GBF1: variants seen among roughly 807,000 people sequenced by gnomAD.
GBF1 encodes the protein golgi brefeldin A resistant guanine nucleotide exchange factor 1, also known as Golgi-specific brefeldin A-resistance guanine nucleotide exchange factor 1.
GBF1 carries 114 observed loss-of-function variants against 210.5 expected under a neutral mutation model. The observed-to-expected ratio is 0.54, with a 90% CI of 0.47 to 0.63. The LOEUF (loss-of-function observed/expected upper bound fraction) is 0.63, where lower values mean the gene tolerates loss of function less well. Ranked by LOEUF, GBF1 falls within the 30% of genes least tolerant of loss-of-function variation. The pLI, the probability that GBF1 is intolerant of heterozygous loss-of-function variation, is 0.00. For missense variants in GBF1, 1,851 were observed against 2,357.7 expected (o/e 0.79, Z 4.45); for synonymous variants, 850 against 889.2 (o/e 0.96, Z 0.78).
At position 102,382,521 on chromosome 10, in the gene GBF1, CT is replaced by C; in HGVS notation, c.*190del. 15 of 559,208 alleles carry C rather than the reference CT, an allele frequency of 2.7e-5. No homozygotes were observed. The highest frequency in any genetic ancestry group is 6.1e-5 in the East Asian group (2 of 32,736). The allele number at this position is 559,208 out of a possible 1,614,324, so 34.6% of individuals were successfully genotyped here. ...TAAGACCCCCAATCAGCTGTGGGAC[CT>C]TTTTCCTCCTCTGCGCTCCATTCCT... On this transcript the variant is annotated 3_prime_UTR_variant, in exon 40 of 40. Transcript: ENST00000369983.
At chr10:102,318,342 A>G (rs2056030492) in intron 3 of GBF1, among the ~76,000 whole-genome samples, 1 of 151,736 alleles carries the variant, frequency 6.6e-6, no homozygotes, top group African/African-American at 2.4e-5. Flanking sequence ...GCGCATCATC[A>G]CACCCGGCTA....
chr10:102,332,571 A>C (rs377297068), intron 3 of GBF1, among the ~76,000 whole-genome samples: 1 of 151,944 alleles, frequency 6.6e-6, no homozygotes, highest in Admixed American at 6.6e-5. Flanking sequence ...TTTTGTAGAG[A>C]CAGTGTTTCA....
intron 3 of GBF1, among the ~76,000 whole-genome samples, chr10:102,307,652 G>C (rs140977519): frequency 1.3e-5 from 2 of 152,066 alleles, no homozygotes; most frequent in Admixed American, 6.6e-5. Flanking sequence ...TTAGCCGGGC[G>C]TGGTGGCGGG....
intron 3 of GBF1, among the ~76,000 whole-genome samples, chr10:102,296,734 C>G (rs1335292453): frequency 9.5e-5 from 13 of 136,196 alleles, no homozygotes; most frequent in African/African-American, 3.6e-4. Context: ...GAGTGAGACT[C>G]TGTCTCAAAA....
intron 3 of GBF1, among the ~76,000 whole-genome samples, chr10:102,316,101 T>C (rs1485088207): frequency 1.8e-4 from 27 of 149,088 alleles, no homozygotes; most frequent in Non-Finnish European, 2.7e-4. Context: ...TTTTTTTTTT[T>C]TTTGAGATGG....
chr10:102,269,992 C>A (rs1298203502), intron 3 of GBF1, among the ~76,000 whole-genome samples: 1 of 151,942 alleles, frequency 6.6e-6, no homozygotes, highest in Non-Finnish European at 1.5e-5. Flanking sequence ...CATTCTCCTG[C>A]CTCAGCCTCC....
intron 3 of GBF1, among the ~76,000 whole-genome samples, chr10:102,260,393 C>T (rs974990854): frequency 8.2e-4 from 124 of 151,366 alleles, no homozygotes; most frequent in African/African-American, 2.8e-3. Flanking sequence ...TGCCTGAGCT[C>T]AAGCAATCCT....
In GBF1 at chr10:102,329,633, T is replaced by G. The variant is rs181790142; in HGVS notation, c.164-14418T>G. On this transcript the variant is annotated intron_variant, in intron 3 of 39. Transcript: ENST00000369983. ...TGCCCGCCACCACACCCGGCTAATT[T>G]TTTGTATTTTTAGTAGAGATAGGGT... 4.0e-5 allele frequency among the ~76,000 whole-genome samples: 6 copies of G among 151,418 alleles called. No homozygotes were observed. The East Asian group carries it at 1.2e-3, about 30-fold the overall frequency.
chr10:102,365,308 A>G, intron 17 of GBF1, 89 bp from the exon 18 acceptor site: 1 of 933,462 alleles, frequency 1.1e-6, no homozygotes, highest in South Asian at 1.4e-5. Flanking sequence ...TTAGCTGACC[A>G]ACTGTGGGTG....
Position 102,353,624 on chromosome 10 carries a change from C to G in GBF1, c.609C>G (p.Pro203=). 1 of 1,609,544 alleles carries G rather than the reference C, an allele frequency of 6.2e-7. No homozygotes were observed. Among genetic ancestry groups the G allele is most frequent in the Non-Finnish European group, 8.5e-7 (1 of 1,175,830 alleles). ...GGTTACCTCAGTTTAAAGAAGAACC[C>G]AAGAACTATGTGGGGACCAACATGA... ...FTRLPQFKEE[P]KNYVGTNMKK... is the part of the protein sequence containing the mutation. The change falls in exon 8 of 40, where the codon CCC becomes CCG. Residue 203 remains proline, a synonymous_variant. Coordinates refer to ENST00000369983, the MANE Select transcript of GBF1 (RefSeq NM_001377137.1).
chr10:102,363,841 G>A lies in GBF1; in HGVS notation c.2106+43G>A. 8.6e-7 allele frequency: 1 copy of A among 1,164,098 alleles called. No homozygotes were observed. Among genetic ancestry groups the A allele is most frequent in the Non-Finnish European group, 1.3e-6 (1 of 771,580 alleles). 72.1% of individuals were successfully genotyped at this position (1,164,098 alleles called of 1,614,324 possible). A position where few individuals can be genotyped will look rare whatever the true frequency, so the allele number is the denominator to read the frequency against. Reference sequence around the variant, plus strand: ...CCAGCCTCTGTCCACCTCTGTCTGGGTGTCCAGTGTTGTAGGGTTTCCATC... The same window carrying A: ...CCAGCCTCTGTCCACCTCTGTCTGGATGTCCAGTGTTGTAGGGTTTCCATC... On this transcript the variant is annotated intron_variant, in intron 17 of 39. Coordinates refer to ENST00000369983, the MANE Select transcript of GBF1 (RefSeq NM_001377137.1). This position sits in a 1 kb window ranked among gnomAD's most constrained non-coding sequence, Gnocchi z 4.2.
At position 102,302,134 on chromosome 10, in the gene GBF1, G is replaced by A. The variant is rs183666024; in HGVS notation, c.164-41917G>A. Among the ~76,000 whole-genome samples, 686 of 152,288 alleles carry A rather than the reference G, an allele frequency of 4.5e-3. 3 individuals carry two copies. The highest frequency in any genetic ancestry group is 0.01 in the Admixed American group (156 of 15,296). On this transcript the variant is annotated intron_variant, in intron 3 of 39. Transcript: ENST00000369983. ...AGAAAAACCAGTCAGGCGTGGCGGC[G>A]CGCGCCTGCAATCCCAGGCACTTGG...
intron 3 of GBF1, among the ~76,000 whole-genome samples, chr10:102,331,851 A>ATTTTTTTTTTT (rs869198412): frequency 1.2e-5 from 1 of 85,320 alleles, no homozygotes. Flanking sequence ...TACCTGGCTA[A>ATTTTTTTTTTT]TTTTTTTTTT....
Position 102,352,026 on chromosome 10 carries a change from C to G in GBF1, c.523+75C>G, listed in dbSNP as rs2059015780. ...AGTATGAATACAGGAGGCTGTCTTC[C>G]CAGAGAGATGGAAAATTCAGGACTT... On this transcript the variant is annotated intron_variant, in intron 6 of 39. Coordinates refer to ENST00000369983, the MANE Select transcript of GBF1 (RefSeq NM_001377137.1). 4 of 846,668 alleles carry G rather than the reference C, an allele frequency of 4.7e-6. No homozygotes were observed. In the Admixed American group the frequency reaches 7.1e-5, roughly 15 times the overall value. The allele number at this position is 846,668 out of a possible 1,614,324, so 52.4% of individuals were successfully genotyped here. A position where few individuals can be genotyped will look rare whatever the true frequency, so the allele number is the denominator to read the frequency against.
intron 3 of GBF1, among the ~76,000 whole-genome samples, chr10:102,295,515 G>A (rs570640193): frequency 3.6e-4 from 55 of 152,210 alleles, no homozygotes; most frequent in Non-Finnish European, 6.5e-4. Context: ...TGATGATAAT[G>A]ATATTAAGGT....
intron 3 of GBF1, among the ~76,000 whole-genome samples, chr10:102,321,890 G>T (rs1422273559): frequency 6.6e-6 from 1 of 152,146 alleles, no homozygotes. Context: ...ACAGGGTCTT[G>T]CTCTGTCACC....
chr10:102,322,821 C>T (rs903361681), intron 3 of GBF1, among the ~76,000 whole-genome samples: 2 of 151,218 alleles, frequency 1.3e-5, no homozygotes, highest in South Asian at 4.2e-4. Context: ...CCAGTTGTTT[C>T]AGCAAGAATC....
chr10:102,268,216 A>T (rs1210540543), intron 3 of GBF1, among the ~76,000 whole-genome samples: 1 of 152,218 alleles, frequency 6.6e-6, no homozygotes, highest in Non-Finnish European at 1.5e-5. Context: ...AGCTCTGCAT[A>T]ATCTGTCCTC....
At chr10:102,246,822 G>A (rs1212606324) in intron 1 of GBF1, among the ~76,000 whole-genome samples, 2 of 149,542 alleles carry the variant, frequency 1.3e-5, no homozygotes, top group African/African-American at 4.9e-5. Flanking sequence ...TGCACAATGT[G>A]GAAACTTGTG....
Sources: allele counts gnomAD v4.1 joint callset (sites outside exome capture counted in the v4.1 genomes callset), GRCh38; gene constraint gnomAD v4.1.1; non-coding constraint Gnocchi (gnomAD v3.1); transcripts MANE v1.5; gene names NCBI Gene and HGNC (gene_info 2026-07-23, HGNC 2026-07-21).